CCDC91: variants seen among roughly 807,000 people sequenced by gnomAD.
CCDC91 encodes coiled-coil domain containing 91.
Under a neutral mutation model 63.2 loss-of-function variants are expected in CCDC91, and 48 were observed. The observed-to-expected ratio is 0.76, with a 90% CI of 0.60 to 0.97. The LOEUF is 0.97. CCDC91 is among the 50% of genes least tolerant of loss of function. CCDC91 has a pLI of 0.00. For missense variants in CCDC91, 500 were observed against 494.6 expected, an observed-to-expected ratio of 1.01 and a Z score of -0.10; for synonymous variants, 167 against 165.8, an observed-to-expected ratio of 1.01 and a Z score of -0.06.
At chr12:28,321,642 C>A (rs1940515217) in intron 6 of CCDC91, among the ~76,000 whole-genome samples, 1 of 151,734 alleles carries the variant, frequency 6.6e-6, no homozygotes, top group Admixed American at 6.6e-5. Context: ...TATGTCTCTG[C>A]CATGTGGGGA....
At chr12:28,301,105 A>C (rs1252821102) in intron 3 of CCDC91, among the ~76,000 whole-genome samples, 1 of 151,538 alleles carries the variant, frequency 6.6e-6, no homozygotes, top group Non-Finnish European at 1.5e-5. Context: ...CTTTAGTACA[A>C]TGTTTAAAGA....
chr12:28,209,368 T>C (rs1433101207), intron 1 of CCDC91, among the ~76,000 whole-genome samples: 1 of 152,226 alleles, frequency 6.6e-6, no homozygotes, highest in Non-Finnish European at 1.5e-5. Context: ...AGCTGAAAAA[T>C]ACCACTTTAA....
rs377581810 is a variant in CCDC91, at chr12:28,444,724, C to T, written c.763-5437C>T. Among the ~76,000 whole-genome samples, 39 of 152,204 alleles carry T rather than the reference C, an allele frequency of 2.6e-4. 1 individual carries two copies. The East Asian group carries it at 5.4e-3, about 21-fold the overall frequency. On this transcript the variant is annotated intron_variant, in intron 8 of 12. Transcript: ENST00000536442. ...GGAGAGGAGCAATAAAGATAACTCTCGGGTACTGGGCTTAGTACTTTGGTG... is the reference window on the plus strand; with the variant it reads ...GGAGAGGAGCAATAAAGATAACTCTTGGGTACTGGGCTTAGTACTTTGGTG...
intron 8 of CCDC91, among the ~76,000 whole-genome samples, chr12:28,405,248 T>A (rs1290536825): frequency 6.6e-6 from 1 of 152,174 alleles, no homozygotes; most frequent in East Asian, 1.9e-4. Context: ...ATATTCATTT[T>A]CAAATGATGT....
chr12:28,290,247 T>C (rs1565740999), intron 3 of CCDC91, among the ~76,000 whole-genome samples: 1 of 152,196 alleles, frequency 6.6e-6, no homozygotes, highest in African/African-American at 2.4e-5. Flanking sequence ...CCCTTTGCTA[T>C]TATATAATGC....
At chr12:28,295,615 T>A (rs2136895412) in intron 3 of CCDC91, among the ~76,000 whole-genome samples, 1 of 152,228 alleles carries the variant, frequency 6.6e-6, no homozygotes, top group East Asian at 1.9e-4. Context: ...TTACATTACA[T>A]AGTGTCTTGA....
At chr12:28,351,610 G>T (rs1343413679) in intron 6 of CCDC91, among the ~76,000 whole-genome samples, 1 of 151,872 alleles carries the variant, frequency 6.6e-6, no homozygotes, top group East Asian at 1.9e-4. Flanking sequence ...CTCTGCACCG[G>T]TGGCTCAAGC....
chr12:28,356,488 A>G (rs1223528287), intron 6 of CCDC91, among the ~76,000 whole-genome samples: 1 of 151,982 alleles, frequency 6.6e-6, no homozygotes, highest in Non-Finnish European at 1.5e-5. Context: ...TTTTTCATGT[A>G]TGGGTTGTAT....
chr12:28,371,167 C>T (rs1944597402), intron 7 of CCDC91, among the ~76,000 whole-genome samples: 2 of 152,142 alleles, frequency 1.3e-5, no homozygotes, highest in Non-Finnish European at 2.9e-5. Context: ...GGGTCCTTAA[C>T]CCCCAGGCTG....
intron 7 of CCDC91, among the ~76,000 whole-genome samples, chr12:28,375,721 T>A (rs1944903633): frequency 6.6e-6 from 1 of 151,966 alleles, no homozygotes; most frequent in African/African-American, 2.4e-5. Flanking sequence ...TCGAAGATTG[T>A]TTACTGCAAG....
intron 12 of CCDC91, among the ~76,000 whole-genome samples, chr12:28,524,451 C>T (rs932468564): frequency 6.6e-6 from 1 of 151,994 alleles, no homozygotes; most frequent in African/African-American, 2.4e-5. Context: ...GGTATTAAAC[C>T]CACTTTAATC....
intron 3 of CCDC91, among the ~76,000 whole-genome samples, chr12:28,297,576 C>G (rs376455517): frequency 3.9e-5 from 6 of 151,974 alleles, no homozygotes; most frequent in East Asian, 3.9e-4. Context: ...TATCTATACT[C>G]TGCTTAAGCA....
At chr12:28,449,512 C>G (rs1176987433) in intron 8 of CCDC91, among the ~76,000 whole-genome samples, 3 of 151,970 alleles carry the variant, frequency 2.0e-5, no homozygotes, top group Non-Finnish European at 4.4e-5. Context: ...ATTGAAACAT[C>G]AAGTGCTTGG....
rs543466667 is a variant in CCDC91 at position 28,519,798 on chromosome 12, C to A, written c.1216-29265C>A. On this transcript the variant is annotated intron_variant, in intron 12 of 12. Transcript: ENST00000536442. ...AGTGTTCTCATTGTTCAAATCCCAC[C>A]TATGAGTGAGAACATGTGGTGTTTG... 2.7e-5 allele frequency among the ~76,000 whole-genome samples: 4 copies of A among 149,106 alleles called. No individual in the cohort carries two copies. In the South Asian group the frequency reaches 8.5e-4, roughly 32 times the overall value.
At chr12:28,303,391 T>G (rs917639445) in intron 3 of CCDC91, among the ~76,000 whole-genome samples, 1 of 152,078 alleles carries the variant, frequency 6.6e-6, no homozygotes, top group African/African-American at 2.4e-5. Context: ...CTTTTCTTTC[T>G]TACTCGCTCC....
intron 7 of CCDC91, among the ~76,000 whole-genome samples, chr12:28,364,714 G>A (rs1443576891): frequency 7.7e-6 from 1 of 130,466 alleles, no homozygotes; most frequent in African/African-American, 2.7e-5. Context: ...AAAAAGAGAA[G>A]CATACGGTAA....
chr12:28,362,630 A>G, intron 7 of CCDC91, 115 bp downstream of exon 7: 1 of 559,854 alleles, frequency 1.8e-6, no homozygotes, highest in Non-Finnish European at 3.0e-6. Context: ...ATTTTGCTAT[A>G]GAATTTCTTT....
intron 6 of CCDC91, among the ~76,000 whole-genome samples, chr12:28,318,400 G>A (rs1940131145): frequency 6.6e-6 from 1 of 151,556 alleles, no homozygotes; most frequent in Non-Finnish European, 1.5e-5. Flanking sequence ...TTAGCTGCTG[G>A]GCATGGTGTG....
intron 12 of CCDC91, among the ~76,000 whole-genome samples, chr12:28,493,792 A>G (rs955048974): frequency 6.6e-6 from 1 of 151,690 alleles, no homozygotes; most frequent in Admixed American, 6.6e-5. Flanking sequence ...ATTGTCTACA[A>G]AGAGGATGAC....
Sources: gnomAD v4.1 joint callset for allele counts (sites outside exome capture counted in the v4.1 genomes callset) on GRCh38, gnomAD v4.1.1 for gene constraint, MANE v1.5 for transcripts, NCBI Gene and HGNC (gene_info 2026-07-23, HGNC 2026-07-21) for gene names.